The following XPR1 variants were observed in gnomAD, a reference collection of about 807,000 sequenced individuals.
XPR1 encodes the protein xenotropic and polytropic retrovirus receptor 1, also known as solute carrier family 53 member 1.
Under a neutral mutation model 87.5 loss-of-function variants are expected in XPR1, and 28 were observed. The observed-to-expected ratio is 0.32, with a 90% CI of 0.24 to 0.44. XPR1 has a LOEUF of 0.44. Among genes scored for constraint, XPR1 ranks in the 20% least tolerant of loss-of-function variants. XPR1 has a pLI of 1.00. For missense variants in XPR1, 559 were observed against 862.3 expected (o/e 0.65, Z 4.41); for synonymous variants, 300 against 306.1 (o/e 0.98, Z 0.21).
chr1:180,803,271 A>T, intron 3 of XPR1, 117 bp from the exon 4 acceptor site: 1 of 921,298 alleles, frequency 1.1e-6, no homozygotes, highest in Non-Finnish European at 1.6e-6. Flanking sequence ...TAAATATTAC[A>T]TGTAACGGTT....
At chr1:180,796,717 T>C (rs1649585903) in intron 3 of XPR1, among the ~76,000 whole-genome samples, 1 of 152,210 alleles carries the variant, frequency 6.6e-6, no homozygotes, top group South Asian at 2.1e-4. Context: ...AATTCAAATG[T>C]CTGCAGACTG....
At chr1:180,856,741 T>G (rs1223753496) in intron 11 of XPR1, among the ~76,000 whole-genome samples, 1 of 152,212 alleles carries the variant, frequency 6.6e-6, no homozygotes, top group Non-Finnish European at 1.5e-5. Flanking sequence ...AATTTTTGCC[T>G]TACCTCTCTG....
In XPR1 at chr1:180,819,375, C is replaced by T. The variant is rs185977310; in HGVS notation, c.764-5378C>T. Among the ~76,000 whole-genome samples, 394 of 152,194 alleles carry T rather than the reference C, an allele frequency of 2.6e-3. 2 individuals carry two copies. The highest frequency in any genetic ancestry group is 4.8e-3 in the Non-Finnish European group (326 of 67,994). On this transcript the variant is annotated intron_variant, in intron 7 of 14. Transcript: ENST00000367590. ...GTCCTTGGGGTTTTTGTTGTTGTTG[C>T]TGCTGTTTTGGTTTTCGCTGACTTT... is the stretch of plus-strand genomic sequence containing the variant.
intron 13 of XPR1, among the ~76,000 whole-genome samples, chr1:180,874,355 C>T (rs1315877815): frequency 1.3e-5 from 2 of 151,652 alleles, no homozygotes; most frequent in African/African-American, 4.8e-5. Context: ...GTTATTCAGC[C>T]CAGCCTTCTC....
At chr1:180,772,444 T>A (rs1326625436) in intron 2 of XPR1, among the ~76,000 whole-genome samples, 1 of 152,164 alleles carries the variant, frequency 6.6e-6, no homozygotes, top group Non-Finnish European at 1.5e-5. Flanking sequence ...GCTGCTAGAC[T>A]CTACCAGCAG....
chr1:180,637,263 A>G (rs904001403), intron 1 of XPR1, among the ~76,000 whole-genome samples: 8 of 152,218 alleles, frequency 5.3e-5, no homozygotes, highest in African/African-American at 1.9e-4. Context: ...GCTTTGGCAG[A>G]TAATCATTAA....
At chr1:180,643,716 A>C (rs1230296321) in intron 1 of XPR1, among the ~76,000 whole-genome samples, 1 of 152,194 alleles carries the variant, frequency 6.6e-6, no homozygotes, top group Non-Finnish European at 1.5e-5. Context: ...GCCTTACTTC[A>C]GATTCCATTT....
intron 2 of XPR1, among the ~76,000 whole-genome samples, chr1:180,723,451 A>G (rs1351267822): frequency 6.6e-6 from 1 of 152,182 alleles, no homozygotes; most frequent in African/African-American, 2.4e-5. Context: ...CTTTCAGTCA[A>G]TCTATATATG....
intron 11 of XPR1, among the ~76,000 whole-genome samples, chr1:180,860,019 CAAG>C (rs1412516990): frequency 1.3e-5 from 2 of 151,996 alleles, no homozygotes; most frequent in East Asian, 3.9e-4. Context: ...AATAATAAGA[CAAG>C]AAATTCCCCC....
intron 6 of XPR1, among the ~76,000 whole-genome samples, chr1:180,809,079 A>T (rs1650109472): frequency 6.6e-6 from 1 of 152,222 alleles, no homozygotes; most frequent in Admixed American, 6.5e-5. Context: ...ACTTAGCAAT[A>T]AAAAGGAATA....
intron 2 of XPR1, among the ~76,000 whole-genome samples, chr1:180,710,823 C>T (rs1190662741): frequency 4.7e-5 from 7 of 147,434 alleles, no homozygotes; most frequent in Non-Finnish European, 9.0e-5. Context: ...GCTGGCTGGG[C>T]GGGGGCTGCC....
intron 1 of XPR1, among the ~76,000 whole-genome samples, chr1:180,656,601 ATATG>A (rs1225615958): frequency 2.8e-5 from 2 of 72,080 alleles, no homozygotes; most frequent in Non-Finnish European, 5.4e-5. Context: ...TATATTTTAT[ATATG>A]TATGTATAAT....
At chr1:180,673,646 G>A (rs191023099) in intron 1 of XPR1, among the ~76,000 whole-genome samples, 3 of 152,158 alleles carry the variant, frequency 2.0e-5, no homozygotes, top group Admixed American at 2.0e-4. Context: ...ATAGGAGTAC[G>A]ACCCCTATTG....
At chr1:180,877,232 C>T (rs1275824317) in intron 13 of XPR1, among the ~76,000 whole-genome samples, 1 of 152,076 alleles carries the variant, frequency 6.6e-6, no homozygotes, top group Admixed American at 6.5e-5. Context: ...CAAGACTATC[C>T]TGAAAAGAAC....
chr1:180,806,621 C>CCTG, intron 6 of XPR1, 64 bp downstream of exon 6: 1 of 1,437,986 alleles, frequency 7.0e-7, no homozygotes, highest in Admixed American at 1.9e-5. Context: ...CAGTATTTAG[C>CCTG]TGGCCCCATT....
At chr1:180,655,546 G>A (rs907771030) in intron 1 of XPR1, among the ~76,000 whole-genome samples, 2 of 151,572 alleles carry the variant, frequency 1.3e-5, no homozygotes, top group Non-Finnish European at 2.9e-5. Context: ...GACTATAGTC[G>A]TGCACCTTCA....
chr1:180,756,961 A>G (rs1647772028), intron 2 of XPR1, among the ~76,000 whole-genome samples: 1 of 152,194 alleles, frequency 6.6e-6, no homozygotes, highest in African/African-American at 2.4e-5. Flanking sequence ...AATCAGTTGA[A>G]CACAAGTGTG....
chr1:180,782,494 T>C (rs1648978579), intron 2 of XPR1, among the ~76,000 whole-genome samples: 1 of 151,966 alleles, frequency 6.6e-6, no homozygotes, highest in African/African-American at 2.4e-5. Context: ...CTGTGTGTGA[T>C]TGGAGTGAGG....
At chr1:180,873,150 G>A (rs752081563) in intron 12 of XPR1, among the ~76,000 whole-genome samples, 4 of 152,078 alleles carry the variant, frequency 2.6e-5, no homozygotes, top group Admixed American at 6.5e-5. Flanking sequence ...GAATTATATA[G>A]TTCTGCTCTA....
Sources: allele counts gnomAD v4.1 joint callset (sites outside exome capture counted in the v4.1 genomes callset), GRCh38; gene constraint gnomAD v4.1.1; transcripts MANE v1.5; gene names NCBI Gene and HGNC (gene_info 2026-07-23, HGNC 2026-07-21).